ICA1L: variants seen among roughly 807,000 people sequenced by gnomAD.
The protein encoded by ICA1L is islet cell autoantigen 1 like.
In ICA1L, 50 loss-of-function variants were observed where a neutral mutation model predicts 61.3. The ratio of observed to expected loss-of-function variants is 0.82; its 90% CI spans 0.65 to 1.03. ICA1L has a LOEUF of 1.03. ICA1L is among the 50% of genes least tolerant of loss of function. ICA1L has a pLI of 0.00. For synonymous variants in ICA1L, 161 were observed against 191.3 expected, an observed-to-expected ratio of 0.84 and a Z score of 1.31; for missense variants, 508 against 556.7, an observed-to-expected ratio of 0.91 and a Z score of 0.88.
Position 202,817,438 on chromosome 2 carries a change from G to A in ICA1L, c.664C>T (p.His222Tyr), listed in dbSNP as rs772413469. The change falls in exon 6 of 13, where the codon CAT becomes TAT. Residue 222 changes from histidine to tyrosine, a missense_variant. His to Tyr is a moderately conservative substitution (Grantham distance 83). Coordinates refer to ENST00000358299, the MANE Select transcript of ICA1L (RefSeq NM_001288622.3). ...LGASRCNMLS[H>Y]SLTTYQRTLL... is the part of the protein sequence containing the mutation. ...GGTACCTGGTAGGTAGTGAGCGAAT[G>A]AGATAGCATATTGCAGCGACTAGCT... The A allele has an allele frequency of 6.2e-7, 1 of 1,604,228 alleles. No homozygotes were observed. The highest frequency in any genetic ancestry group is 2.3e-5 in the East Asian group (1 of 44,326).
chr2:202,860,358 T>C (rs1694879030), intron 1 of ICA1L: 1 of 151,374 alleles, frequency 6.6e-6, no homozygotes, highest in Admixed American at 6.6e-5. Context: ...CCAAACACAT[T>C]AAAAATGACA....
At chr2:202,805,432 T>TAAAGAAAG (rs202026708) in intron 9 of ICA1L, among the ~76,000 whole-genome samples, 31 of 151,976 alleles carry the variant, frequency 2.0e-4, no homozygotes, top group Non-Finnish European at 2.9e-5. Context: ...AATATAGCCT[T>TAAAGAAAG]AAAGAAAGAA....
rs935759063 is a variant in ICA1L, at chr2:202,849,275, G to A, written c.-7-20259C>T. On this transcript the variant is annotated intron_variant, in intron 1 of 12. Coordinates refer to ENST00000358299, the MANE Select transcript of ICA1L (RefSeq NM_001288622.3). This position sits in a 1 kb window ranked among gnomAD's most constrained non-coding sequence, Gnocchi z 4.5. ...CCCCAGTGGTGCCTGGAACCCCAGC[G>A]AGACAAAACCGTTCACTCCCCTGGA... Among the ~76,000 whole-genome samples the A allele has an allele frequency of 1.3e-5, 2 of 152,124 alleles. No homozygotes were observed. The highest frequency in any genetic ancestry group is 2.1e-4 in the South Asian group (1 of 4,822).
At chr2:202,809,895 G>A (rs1467601702) in intron 9 of ICA1L, among the ~76,000 whole-genome samples, 2 of 152,164 alleles carry the variant, frequency 1.3e-5, no homozygotes, top group Non-Finnish European at 2.9e-5. Flanking sequence ...TAAAGAGGAG[G>A]TAGAGAAAGA....
intron 10 of ICA1L, 52 bp from the exon 11 acceptor site, chr2:202,789,139 A>G: frequency 7.0e-7 from 1 of 1,420,700 alleles, no homozygotes; most frequent in Non-Finnish European, 9.7e-7. Flanking sequence ...AGGAAATGAG[A>G]GTAAGACCAT....
intron 12 of ICA1L, 131 bp downstream of exon 12, chr2:202,785,787 T>A (rs1692561314): frequency 3.7e-6 from 2 of 542,404 alleles, no homozygotes; most frequent in Non-Finnish European, 6.4e-6. Context: ...GCTTTCATTT[T>A]AATAATAATC....
intron 11 of ICA1L, among the ~76,000 whole-genome samples, chr2:202,788,579 C>T (rs1692656843): frequency 6.6e-6 from 1 of 152,008 alleles, no homozygotes. Context: ...AAACCAGATG[C>T]CTGGGAAAAT....
intron 9 of ICA1L, among the ~76,000 whole-genome samples, chr2:202,799,207 T>C (rs1693024371): frequency 6.6e-6 from 1 of 152,238 alleles, no homozygotes; most frequent in Admixed American, 6.5e-5. Context: ...CTGTTTTTCA[T>C]AGTGGCTATA....
chr2:202,848,830 C>G (rs547306115), intron 1 of ICA1L, among the ~76,000 whole-genome samples: 1 of 152,160 alleles, frequency 6.6e-6, no homozygotes, highest in Admixed American at 6.5e-5. Context: ...AAAATTATAA[C>G]GGAGCAGAGA....
rs1692324536 is a variant in ICA1L at position 202,779,432 on chromosome 2, C to T, written c.*101G>A. The T allele has an allele frequency of 1.5e-6, 1 of 654,436 alleles. No homozygotes were observed. Among genetic ancestry groups the T allele is most frequent in the Non-Finnish European group, 2.6e-6 (1 of 384,148 alleles). 40.5% of individuals were successfully genotyped at this position (654,436 alleles called of 1,614,324 possible). ...CTGACAGGTGTTATATTCACAAACACCGTGCTTTTGTGTGCGGGTTACAAT... is the reference window on the plus strand; with the variant it reads ...CTGACAGGTGTTATATTCACAAACATCGTGCTTTTGTGTGCGGGTTACAAT... On this transcript the variant is annotated 3_prime_UTR_variant, in exon 13 of 13. Coordinates refer to ENST00000358299, the MANE Select transcript of ICA1L (RefSeq NM_001288622.3).
At chr2:202,796,306 A>G (rs1001178260) in intron 10 of ICA1L, among the ~76,000 whole-genome samples, 8 of 152,218 alleles carry the variant, frequency 5.3e-5, no homozygotes, top group African/African-American at 1.9e-4. Context: ...GCTTTAAAAA[A>G]ATTTTTTTAA....
chr2:202,843,190 C>G (rs1694376129), intron 1 of ICA1L, among the ~76,000 whole-genome samples: 1 of 152,104 alleles, frequency 6.6e-6, no homozygotes, highest in South Asian at 2.1e-4. Flanking sequence ...TTATGTCTCC[C>G]ATTTTTCTTG....
intron 1 of ICA1L, among the ~76,000 whole-genome samples, chr2:202,830,265 G>C (rs888420395): frequency 1.3e-5 from 2 of 151,964 alleles, no homozygotes; most frequent in Non-Finnish European, 2.9e-5. Context: ...AAAATTAGCC[G>C]GGCATGGTGG....
At chr2:202,798,871 G>T (rs1693013272) in intron 9 of ICA1L, among the ~76,000 whole-genome samples, 1 of 152,130 alleles carries the variant, frequency 6.6e-6, no homozygotes, top group Non-Finnish European at 1.5e-5. Flanking sequence ...GAGAATGTAT[G>T]ATATTTGTCT....
At chr2:202,816,291 T>G (rs1693531810) in intron 6 of ICA1L, among the ~76,000 whole-genome samples, 1 of 151,958 alleles carries the variant, frequency 6.6e-6, no homozygotes. Context: ...GAATGAAAAC[T>G]TAGGGATCAG....
chr2:202,774,620 G>A lies in ICA1L; in HGVS notation c.*4913C>T. On this transcript the variant is annotated 3_prime_UTR_variant, in exon 13 of 13. Coordinates refer to ENST00000358299, the MANE Select transcript of ICA1L (RefSeq NM_001288622.3). ...CTGAGAGGGGGTCACATGGGAGGGG[G>A]CTCAGCCAAGCAGGTGGGGAGCGGA... 3.8e-6 allele frequency: 1 copy of A among 261,858 alleles called. No individual in the cohort carries two copies. Among genetic ancestry groups the A allele is most frequent in the Non-Finnish European group, 7.1e-6 (1 of 140,290 alleles). The allele number at this position is 261,858 out of a possible 1,614,324, so 16.2% of individuals were successfully genotyped here. A position where few individuals can be genotyped will look rare whatever the true frequency, so the allele number is the denominator to read the frequency against.
At chr2:202,792,428 A>G (rs1692781830) in intron 10 of ICA1L, among the ~76,000 whole-genome samples, 1 of 152,230 alleles carries the variant, frequency 6.6e-6, no homozygotes, top group African/African-American at 2.4e-5. Context: ...CAAAAATTAT[A>G]AACAACCCAA....
chr2:202,846,255 T>TC (rs1213620856), intron 1 of ICA1L, among the ~76,000 whole-genome samples: 2 of 151,164 alleles, frequency 1.3e-5, no homozygotes, highest in Non-Finnish European at 3.0e-5. Flanking sequence ...TTTCTTTCTT[T>TC]CTTTTTTTTT....
chr2:202,808,610 T>C (rs1047982806), intron 9 of ICA1L, among the ~76,000 whole-genome samples: 7 of 152,176 alleles, frequency 4.6e-5, no homozygotes, highest in African/African-American at 7.2e-5. Flanking sequence ...TGAGTGAATA[T>C]TGGCAGTAGC....
Sources: allele counts gnomAD v4.1 joint callset (sites outside exome capture counted in the v4.1 genomes callset), GRCh38; gene constraint gnomAD v4.1.1; non-coding constraint Gnocchi (gnomAD v3.1); transcripts MANE v1.5; gene names NCBI Gene and HGNC (gene_info 2026-07-23, HGNC 2026-07-21).